SHANK2: variants seen among roughly 807,000 people sequenced by gnomAD.
SHANK2 encodes SH3 and multiple ankyrin repeat domains 2.
SHANK2 carries 43 observed loss-of-function variants against 133.7 expected under a neutral mutation model. The ratio of observed to expected loss-of-function variants is 0.32; its 90% CI spans 0.25 to 0.41. SHANK2 has a LOEUF of 0.41. Ranked by LOEUF, SHANK2 falls within the 10% of genes least tolerant of loss-of-function variation. SHANK2 has a pLI of 1.00. For missense variants in SHANK2, 1,994 were observed against 2,235.8 expected (o/e 0.89, Z 2.18); for synonymous variants, 1,017 against 952.8 (o/e 1.07, Z -1.24).
At chr11:70,902,763 C>T (rs1481084982) in intron 10 of SHANK2, among the ~76,000 whole-genome samples, 1 of 152,174 alleles carries the variant, frequency 6.6e-6, no homozygotes, top group Non-Finnish European at 1.5e-5. Context: ...TTTGCTGGTG[C>T]TGACAAAGCC....
intron 10 of SHANK2, among the ~76,000 whole-genome samples, chr11:70,923,185 G>T (rs1474448352): frequency 6.6e-6 from 1 of 152,114 alleles, no homozygotes; most frequent in African/African-American, 2.4e-5. Context: ...TAGATGATGG[G>T]TCCCCACTGT....
Position 70,902,204 on chromosome 11 carries a change from C to T in SHANK2, c.1108-5637G>A, listed in dbSNP as rs562409891. Among the ~76,000 whole-genome samples the T allele has an allele frequency of 6.6e-5, 10 of 152,338 alleles. No individual in the cohort carries two copies. In the South Asian group the frequency reaches 1.0e-3, roughly 16 times the overall value. Reference sequence around the variant, plus strand: ...CACCACACTGGGCATTTGTATGAGACGCCTCACTGGCATTCTAAATCATCC... The same window carrying T: ...CACCACACTGGGCATTTGTATGAGATGCCTCACTGGCATTCTAAATCATCC... On this transcript the variant is annotated intron_variant, in intron 10 of 25. Coordinates refer to ENST00000601538, the MANE Select transcript of SHANK2 (RefSeq NM_012309.5).
intron 17 of SHANK2, among the ~76,000 whole-genome samples, chr11:70,639,748 T>C (rs2061152229): frequency 6.6e-6 from 1 of 151,878 alleles, no homozygotes; most frequent in African/African-American, 2.4e-5. Flanking sequence ...GCCAGGGACA[T>C]GAAGGTGCCC....
intron 15 of SHANK2, among the ~76,000 whole-genome samples, chr11:70,678,331 G>A (rs1265950920): frequency 1.3e-5 from 2 of 151,824 alleles, no homozygotes; most frequent in South Asian, 2.1e-4. Context: ...ATGGGGTCTC[G>A]CTTTGTTGCC....
intron 17 of SHANK2, among the ~76,000 whole-genome samples, chr11:70,537,012 G>A (rs782511483): frequency 5.3e-5 from 8 of 152,184 alleles, no homozygotes; most frequent in East Asian, 1.9e-4. Context: ...TGTGTCGTAC[G>A]TCAGCTAGAA....
intron 11 of SHANK2, among the ~76,000 whole-genome samples, chr11:70,862,494 G>A (rs1949275380): frequency 1.3e-5 from 2 of 152,102 alleles, no homozygotes; most frequent in Admixed American, 6.5e-5. Flanking sequence ...CTGGCTGATG[G>A]ACAGGACTAG....
At chr11:70,595,907 C>T (rs191564050) in intron 17 of SHANK2, among the ~76,000 whole-genome samples, 5 of 152,328 alleles carry the variant, frequency 3.3e-5, no homozygotes, top group African/African-American at 4.8e-5. Context: ...TTTATTCCAG[C>T]GACTGGTGTC....
chr11:70,561,760 C>T (rs546051192), intron 17 of SHANK2, among the ~76,000 whole-genome samples: 22 of 151,978 alleles, frequency 1.4e-4, no homozygotes, highest in African/African-American at 5.3e-4. Flanking sequence ...GTCTTGAACT[C>T]CTTGCCTCAG....
At chr11:70,884,956 G>A (rs1376175159) in intron 11 of SHANK2, among the ~76,000 whole-genome samples, 1 of 152,106 alleles carries the variant, frequency 6.6e-6, no homozygotes, top group Non-Finnish European at 1.5e-5. Context: ...CCTGACCTCA[G>A]GCGATCCACC....
At chr11:70,691,069 AATTAATT>A (rs1945278898) in intron 15 of SHANK2, among the ~76,000 whole-genome samples, 1 of 152,142 alleles carries the variant, frequency 6.6e-6, no homozygotes, top group African/African-American at 2.4e-5. Context: ...TCTGTAGTTT[AATTAATT>A]ACTTTCATTA....
chr11:70,578,511 G>A (rs1422185552), intron 17 of SHANK2, among the ~76,000 whole-genome samples: 5 of 152,156 alleles, frequency 3.3e-5, no homozygotes, highest in African/African-American at 4.8e-5. Flanking sequence ...TCGTGGCCAC[G>A]ACGGGCTCCG....
chr11:71,239,328 G>A (rs1021387953), intron 1 of SHANK2, among the ~76,000 whole-genome samples: 3 of 152,208 alleles, frequency 2.0e-5, no homozygotes, highest in Admixed American at 6.5e-5. Flanking sequence ...AAAGCTCCTG[G>A]CTCACAGCAG....
At chr11:71,227,104 A>G (rs1555122356) in intron 1 of SHANK2, among the ~76,000 whole-genome samples, 1 of 152,172 alleles carries the variant, frequency 6.6e-6, no homozygotes, top group Non-Finnish European at 1.5e-5. Context: ...ATATACTCAT[A>G]AACACTACAG....
chr11:70,848,332 G>A (rs548528117), intron 11 of SHANK2, among the ~76,000 whole-genome samples: 1 of 152,338 alleles, frequency 6.6e-6, no homozygotes, highest in South Asian at 2.1e-4. Flanking sequence ...TTGTGGGGTG[G>A]GGGGTTTGAA....
chr11:70,661,944 C>A (rs1452769120), intron 15 of SHANK2: 2 of 805,698 alleles, frequency 2.5e-6, no homozygotes, highest in Non-Finnish European at 2.0e-6. Flanking sequence ...AGGAGTCATA[C>A]ATGGTGGGGC....
At chr11:71,064,253 G>A (rs1002871172) in intron 9 of SHANK2, among the ~76,000 whole-genome samples, 11 of 152,354 alleles carry the variant, frequency 7.2e-5, no homozygotes, top group South Asian at 6.2e-4. Context: ...ACCACACAAC[G>A]TCAGGACGGG....
intron 10 of SHANK2, among the ~76,000 whole-genome samples, chr11:70,931,531 G>A (rs1396084830): frequency 6.6e-6 from 1 of 152,212 alleles, no homozygotes; most frequent in Non-Finnish European, 1.5e-5. Flanking sequence ...GTCAGGAAAG[G>A]GAAACCGAAG....
intron 17 of SHANK2, among the ~76,000 whole-genome samples, chr11:70,580,285 AC>A (rs141348472): frequency 0.19 from 28,781 of 152,152 alleles, 3,061 homozygotes; most frequent in African/African-American, 0.28. Context: ...CTTACTGGCT[AC>A]ATTTTGCAAC....
At chr11:70,504,212 C>T (rs976941646) in intron 17 of SHANK2, among the ~76,000 whole-genome samples, 5 of 152,256 alleles carry the variant, frequency 3.3e-5, no homozygotes, top group Non-Finnish European at 7.3e-5. Context: ...TCTTCAAAAA[C>T]TAAACATCTG....
Sources: allele counts gnomAD v4.1 joint callset (sites outside exome capture counted in the v4.1 genomes callset), GRCh38; gene constraint gnomAD v4.1.1; transcripts MANE v1.5; gene names NCBI Gene and HGNC (gene_info 2026-07-23, HGNC 2026-07-21).